BMPR1B: variants seen among roughly 807,000 people sequenced by gnomAD.
The protein encoded by BMPR1B is bone morphogenetic protein receptor type 1B.
BMPR1B carries 12 observed loss-of-function variants against 59.1 expected under a neutral mutation model. The observed-to-expected ratio is 0.20, with a 90% CI of 0.13 to 0.33. BMPR1B has a LOEUF of 0.33. BMPR1B is among the 10% of genes least tolerant of loss of function. The probability of loss-of-function intolerance (pLI) is 1.00; values close to 1 mark genes in which losing one functional copy is unlikely to be tolerated. For missense variants in BMPR1B, 550 were observed against 610.9 expected (o/e 0.90, Z 1.05); for synonymous variants, 237 against 207.3 (o/e 1.14, Z -1.23).
Position 94,897,061 on chromosome 4 carries a change from C to G in BMPR1B, c.-113+21161C>G, listed in dbSNP as rs115211657. Among the ~76,000 whole-genome samples, 1,030 of 152,108 alleles carry G rather than the reference C, an allele frequency of 6.8e-3. 12 individuals carry two copies. The highest frequency in any genetic ancestry group is 0.023 in the African/African-American group (963 of 41,516). ...TCACAGGCTTTGCATATGTAAATATCCGCCAGTCAGAGTGGGTTTGAGGCC... is the reference window on the plus strand; with the variant it reads ...TCACAGGCTTTGCATATGTAAATATGCGCCAGTCAGAGTGGGTTTGAGGCC... On this transcript the variant is annotated intron_variant, in intron 2 of 12. Transcript: ENST00000515059.
chr4:94,778,589 A>G (rs1722471559), intron 1 of BMPR1B, among the ~76,000 whole-genome samples: 3 of 152,180 alleles, frequency 2.0e-5, no homozygotes, highest in South Asian at 2.1e-4. Flanking sequence ...TTTTAAATGT[A>G]TAAGACGGTG....
chr4:94,932,890 T>C (rs1729149584), intron 2 of BMPR1B, among the ~76,000 whole-genome samples: 1 of 152,132 alleles, frequency 6.6e-6, no homozygotes, highest in Non-Finnish European at 1.5e-5. Flanking sequence ...TGATTCATCC[T>C]GTATTCTGTC....
At chr4:94,892,972 T>G (rs1204284238) in intron 2 of BMPR1B, among the ~76,000 whole-genome samples, 1 of 152,038 alleles carries the variant, frequency 6.6e-6, no homozygotes, top group Non-Finnish European at 1.5e-5. Context: ...GGGATATCAG[T>G]CCTGCAGGGT....
chr4:94,985,509 C>CTGTGTGTGTGTGTGTG (rs60003954), intron 2 of BMPR1B, among the ~76,000 whole-genome samples: 1 of 138,792 alleles, frequency 7.2e-6, no homozygotes, highest in Non-Finnish European at 1.6e-5. Context: ...AAAATAAGAG[C>CTGTGTGTGTGTGTGTG]TGTGTGTGTG....
chr4:94,789,202 A>G (rs1309330103), intron 1 of BMPR1B, among the ~76,000 whole-genome samples: 1 of 152,224 alleles, frequency 6.6e-6, no homozygotes, highest in African/African-American at 2.4e-5. Flanking sequence ...TGCATAGAAC[A>G]AGAGAAGATG....
chr4:95,107,485 A>C (rs1731271912), intron 4 of BMPR1B, among the ~76,000 whole-genome samples: 1 of 152,080 alleles, frequency 6.6e-6, no homozygotes, highest in African/African-American at 2.4e-5. Context: ...GTAAAAATGG[A>C]ATCCCTCAAA....
intron 3 of BMPR1B, among the ~76,000 whole-genome samples, chr4:95,102,478 G>T (rs188046463): frequency 6.6e-6 from 1 of 152,134 alleles, no homozygotes; most frequent in African/African-American, 2.4e-5. Flanking sequence ...AAAAATAAAG[G>T]GTCTGGTATG....
At chr4:95,052,830 A>T (rs2149191115) in intron 3 of BMPR1B, among the ~76,000 whole-genome samples, 1 of 152,346 alleles carries the variant, frequency 6.6e-6, no homozygotes, top group Non-Finnish European at 1.5e-5. Flanking sequence ...TAGGTATTTC[A>T]TCAACCTAGT....
intron 2 of BMPR1B, among the ~76,000 whole-genome samples, chr4:94,958,641 A>G (rs1730245345): frequency 6.6e-6 from 1 of 152,126 alleles, no homozygotes; most frequent in African/African-American, 2.4e-5. Flanking sequence ...TTGTCTACAG[A>G]TACTGTCATA....
At chr4:94,867,638 C>A (rs1726299198) in intron 1 of BMPR1B, among the ~76,000 whole-genome samples, 1 of 152,152 alleles carries the variant, frequency 6.6e-6, no homozygotes, top group African/African-American at 2.4e-5. Context: ...TTTTTCACTT[C>A]ATTTCACCTA....
chr4:94,956,329 C>G (rs28539833), intron 2 of BMPR1B, among the ~76,000 whole-genome samples: 4,762 of 152,100 alleles, frequency 0.031, 120 homozygotes, highest in African/African-American at 0.065. Context: ...CTCGGTCTCC[C>G]AAAGCACATG....
At chr4:94,841,765 G>A (rs921182837) in intron 1 of BMPR1B, among the ~76,000 whole-genome samples, 2 of 151,992 alleles carry the variant, frequency 1.3e-5, no homozygotes, top group African/African-American at 2.4e-5. Flanking sequence ...GTTCCTATTC[G>A]GCCATCTTGG....
intron 8 of BMPR1B, 69 bp from the exon 9 acceptor site, chr4:95,129,793 G>A: frequency 6.6e-7 from 1 of 1,504,854 alleles, no homozygotes; most frequent in Non-Finnish European, 9.2e-7. Context: ...TTTCTTCTCT[G>A]GAGAAAAAAA....
intron 1 of BMPR1B, among the ~76,000 whole-genome samples, chr4:94,857,845 T>C (rs564002210): frequency 4.6e-5 from 7 of 152,388 alleles, no homozygotes; most frequent in African/African-American, 1.7e-4. Flanking sequence ...TCTTTAAATA[T>C]CAGTTTAGAA....
chr4:95,089,182 AG>A (rs1486538783), intron 3 of BMPR1B, among the ~76,000 whole-genome samples: 1 of 152,196 alleles, frequency 6.6e-6, no homozygotes, highest in African/African-American at 2.4e-5. Context: ...AAATATTTCA[AG>A]GTGGAAAAAC....
At chr4:94,858,231 T>C (rs1457299326) in intron 1 of BMPR1B, among the ~76,000 whole-genome samples, 2 of 152,196 alleles carry the variant, frequency 1.3e-5, no homozygotes, top group African/African-American at 4.8e-5. Flanking sequence ...ATTACAGGCG[T>C]GAGCCACCGT....
intron 3 of BMPR1B, among the ~76,000 whole-genome samples, chr4:95,001,921 T>C (rs1000039185): frequency 6.6e-6 from 1 of 152,308 alleles, no homozygotes; most frequent in African/African-American, 2.4e-5. Flanking sequence ...TATTAAGGTC[T>C]CTGGTAAAAT....
At chr4:94,911,185 T>A (rs1728260234) in intron 2 of BMPR1B, among the ~76,000 whole-genome samples, 1 of 152,186 alleles carries the variant, frequency 6.6e-6, no homozygotes, top group Non-Finnish European at 1.5e-5. Context: ...TTACTGGCTT[T>A]GTGCCAGACT....
intron 3 of BMPR1B, 117 bp from the exon 4 acceptor site, chr4:95,104,291 A>T (rs532495282): frequency 6.6e-6 from 8 of 1,220,816 alleles, no homozygotes; most frequent in Non-Finnish European, 8.0e-6. Flanking sequence ...TTTTCTGTTT[A>T]AATCTTTAAG....
Sources: gnomAD v4.1 joint callset for allele counts (sites outside exome capture counted in the v4.1 genomes callset) on GRCh38, gnomAD v4.1.1 for gene constraint, MANE v1.5 for transcripts, NCBI Gene and HGNC (gene_info 2026-07-23, HGNC 2026-07-21) for gene names.